The following MYO5B variants were observed in gnomAD, a reference collection of about 807,000 sequenced individuals.
MYO5B encodes the protein myosin VB, also known as unconventional myosin-Vb.
A neutral mutation model predicts 229.3 loss-of-function variants in MYO5B; 143 were observed. That is an observed-to-expected ratio of 0.62 (90% CI 0.54 to 0.72). The LOEUF is 0.72. Among genes scored for constraint, MYO5B ranks in the 30% least tolerant of loss-of-function variants. The pLI is 0.00. For synonymous variants in MYO5B, 918 were observed against 885.2 expected, an observed-to-expected ratio of 1.04 and a Z score of -0.66; for missense variants, 2,321 against 2,331.0, an observed-to-expected ratio of 1.00 and a Z score of 0.09.
intron 1 of MYO5B, among the ~76,000 whole-genome samples, chr18:50,067,180 T>C (rs2030842338): frequency 1.3e-5 from 2 of 152,120 alleles, no homozygotes; most frequent in African/African-American, 4.8e-5. Context: ...TGAGAAAAAG[T>C]AAAATGAGAG....
chr18:50,086,502 C>T (rs2031333109), intron 1 of MYO5B, among the ~76,000 whole-genome samples: 1 of 152,218 alleles, frequency 6.6e-6, no homozygotes, highest in African/African-American at 2.4e-5. Context: ...GTGTGTATCA[C>T]AATTGACATA....
intron 26 of MYO5B, among the ~76,000 whole-genome samples, chr18:49,874,521 C>T (rs543907112): frequency 3.9e-5 from 6 of 152,272 alleles, no homozygotes; most frequent in Admixed American, 2.0e-4. Context: ...TTAAACCCAT[C>T]GGCAAGATTT....
At chr18:50,055,944 G>T (rs899060410) in intron 1 of MYO5B, among the ~76,000 whole-genome samples, 3 of 152,112 alleles carry the variant, frequency 2.0e-5, no homozygotes, top group South Asian at 2.1e-4. Flanking sequence ...TTCGGATGGG[G>T]TCTCACTCTG....
At chr18:49,965,442 AAC>A (rs1478796600) in intron 10 of MYO5B, among the ~76,000 whole-genome samples, 1 of 120,672 alleles carries the variant, frequency 8.3e-6, no homozygotes. Context: ...TTTTCATACA[AAC>A]ACACTTCTTT....
intron 5 of MYO5B, among the ~76,000 whole-genome samples, chr18:49,996,096 A>G (rs1182243869): frequency 6.6e-6 from 1 of 152,246 alleles, no homozygotes; most frequent in Non-Finnish European, 1.5e-5. Flanking sequence ...AGATAGCAAT[A>G]AGACCTTTTA....
intron 1 of MYO5B, among the ~76,000 whole-genome samples, chr18:50,153,982 G>C (rs1407837688): frequency 6.6e-6 from 1 of 152,136 alleles, no homozygotes; most frequent in Non-Finnish European, 1.5e-5. Context: ...TGCCAATGAA[G>C]CTGAAGACAC....
intron 21 of MYO5B, among the ~76,000 whole-genome samples, chr18:49,896,247 G>A (rs2024777766): frequency 6.6e-6 from 1 of 152,110 alleles, no homozygotes; most frequent in African/African-American, 2.4e-5. Context: ...TCCATTTCCT[G>A]CACCAACACA....
chr18:49,890,502 G>A (rs750611976), intron 22 of MYO5B, among the ~76,000 whole-genome samples: 18 of 152,210 alleles, frequency 1.2e-4, no homozygotes, highest in Non-Finnish European at 2.4e-4. Flanking sequence ...GGCTAATACA[G>A]TACCTATATT....
At chr18:49,981,180 C>T (rs1002300106) in intron 8 of MYO5B, among the ~76,000 whole-genome samples, 1 of 152,202 alleles carries the variant, frequency 6.6e-6, no homozygotes, top group Admixed American at 6.5e-5. Context: ...TTTACCTATA[C>T]GAATCATCAA....
chr18:49,938,330 G>C (rs189782057), intron 14 of MYO5B, among the ~76,000 whole-genome samples: 164 of 152,218 alleles, frequency 1.1e-3, no homozygotes, highest in African/African-American at 3.5e-3. Flanking sequence ...CAGAGTCCCA[G>C]CCATCAAGAA....
chr18:50,181,059 A>G (rs1705544), intron 1 of MYO5B, among the ~76,000 whole-genome samples: 132,416 of 152,230 alleles, frequency 0.87, 57,689 homozygotes, highest in African/African-American at 0.89. Flanking sequence ...AAGAGTATTC[A>G]CCATCCACTT....
chr18:49,937,317 C>A lies in MYO5B; in HGVS notation c.1833G>T (p.Lys611Asn), dbSNP rs1487913231. ...GGGGTCTGGCAGAACGGACGCTGAT[C>A]TTCGAAGATGACCCCTTCCCAGGGG... ...ATTPGKGSSS[K>N]ISVRSARPPM... The change falls in exon 15 of 40, where the codon AAG (lysine) becomes AAT (asparagine). Residue 611 changes from lysine to asparagine, a missense_variant. This residue lies in a region of MYO5B where 2,113 missense variants were observed against 2,044.7 expected (regional missense o/e 1.03). Coordinates refer to ENST00000285039, the MANE Select transcript of MYO5B (RefSeq NM_001080467.3). The A allele has an allele frequency of 8.1e-6, 13 of 1,614,160 alleles. No homozygotes were observed. Among genetic ancestry groups the A allele is most frequent in the Non-Finnish European group, 1.1e-5 (13 of 1,180,028 alleles).
intron 30 of MYO5B, 143 bp downstream of exon 30, chr18:49,856,670 G>A: frequency 2.7e-6 from 2 of 748,684 alleles, no homozygotes; most frequent in East Asian, 5.4e-5. Flanking sequence ...GTGACAGATG[G>A]TCAACCACAG....
At chr18:50,102,580 T>A (rs1175521939) in intron 1 of MYO5B, among the ~76,000 whole-genome samples, 1 of 152,010 alleles carries the variant, frequency 6.6e-6, no homozygotes, top group Non-Finnish European at 1.5e-5. Flanking sequence ...GCAAAATACC[T>A]CTGATGCAGG....
chr18:49,828,746 T>C (rs911849607), intron 39 of MYO5B, among the ~76,000 whole-genome samples: 5 of 151,998 alleles, frequency 3.3e-5, no homozygotes, highest in Non-Finnish European at 7.4e-5. Context: ...AATCAATAAA[T>C]GAAAGCTGCA....
At chr18:49,971,402 G>A (rs1379206102) in intron 10 of MYO5B, among the ~76,000 whole-genome samples, 3 of 152,180 alleles carry the variant, frequency 2.0e-5, no homozygotes, top group Non-Finnish European at 4.4e-5. Context: ...CACTGTAAGT[G>A]GAAAGGGGCA....
At chr18:49,882,636 A>AAAAAAAAG (rs977043464) in intron 22 of MYO5B, among the ~76,000 whole-genome samples, 13 of 150,734 alleles carry the variant, frequency 8.6e-5, no homozygotes, top group Non-Finnish European at 1.9e-4. Context: ...CAAAAAAAAA[A>AAAAAAAAG]AAAAAGAAAG....
intron 1 of MYO5B, among the ~76,000 whole-genome samples, chr18:50,194,323 G>A (rs1027312913): frequency 6.6e-6 from 1 of 152,156 alleles, no homozygotes; most frequent in Non-Finnish European, 1.5e-5. Flanking sequence ...TCGAGAGCCG[G>A]CGCCGCAGAG....
chr18:50,005,163 C>T (rs1321422318), intron 4 of MYO5B, among the ~76,000 whole-genome samples: 4 of 152,236 alleles, frequency 2.6e-5, no homozygotes, highest in Non-Finnish European at 5.9e-5. Context: ...TAAATAACTA[C>T]TCATTGCTTA....
Sources: gnomAD v4.1 joint callset for allele counts (sites outside exome capture counted in the v4.1 genomes callset) on GRCh38, gnomAD v4.1.1 for gene constraint, gnomAD v4.1.1 regional missense constraint, MANE v1.5 for transcripts, NCBI Gene and HGNC (gene_info 2026-07-23, HGNC 2026-07-21) for gene names.